The following TPST2 variants were observed in gnomAD, a reference collection of about 807,000 sequenced individuals.
TPST2 encodes the protein tyrosylprotein sulfotransferase 2, also known as protein-tyrosine sulfotransferase 2.
Under a neutral mutation model 27.8 loss-of-function variants are expected in TPST2, and 16 were observed. That is an observed-to-expected ratio of 0.58 (90% confidence interval 0.39 to 0.88). The LOEUF (loss-of-function observed/expected upper bound fraction) is 0.88. Among genes scored for constraint, TPST2 ranks in the 40% least tolerant of loss-of-function variants. TPST2 has a pLI of 0.00. For synonymous variants in TPST2, 229 were observed against 231.7 expected (o/e 0.99, Z 0.10); for missense variants, 464 against 543.1 (o/e 0.85, Z 1.45).
chr22:26,530,974 A>G (rs2147174223), intron 5 of TPST2, among the ~76,000 whole-genome samples: 1 of 152,244 alleles, frequency 6.6e-6, no homozygotes, highest in East Asian at 1.9e-4. Flanking sequence ...ACCGCATTGC[A>G]CTCCAGCCTG....
rs1204827142 is a variant in TPST2 at position 26,528,412 on chromosome 22, T to C, written c.1093-150A>G. The C allele has an allele frequency of 2.8e-6, 3 of 1,054,986 alleles. No homozygotes were observed. In the African/African-American group the frequency reaches 4.7e-5, roughly 17 times the overall value. The allele number at this position is 1,054,986 out of a possible 1,614,324, so 65.4% of individuals were successfully genotyped here. ...ATCTACTATGTGCCAGGTGCTGGGA[T>C]AGCGTGGTGAGCGGGACAGACCCAA... On this transcript the variant is annotated intron_variant, in intron 5 of 6. Transcript: ENST00000338754.
intron 1 of TPST2, among the ~76,000 whole-genome samples, chr22:26,546,273 C>A (rs1355750243): frequency 6.6e-6 from 1 of 152,100 alleles, no homozygotes; most frequent in East Asian, 1.9e-4. Context: ...GAAAAGGGAA[C>A]CAAGGTGTAA....
intron 4 of TPST2, 60 bp from the exon 5 acceptor site, chr22:26,532,805 C>A: frequency 6.5e-7 from 1 of 1,529,622 alleles, no homozygotes; most frequent in South Asian, 1.1e-5. Flanking sequence ...AAAATTTAGT[C>A]ATTCCCAACA....
chr22:26,561,764 G>C (rs1927109382), intron 1 of TPST2, among the ~76,000 whole-genome samples: 1 of 152,136 alleles, frequency 6.6e-6, no homozygotes, highest in African/African-American at 2.4e-5. Flanking sequence ...TGCTATCCCA[G>C]CAGGCACAGG....
chr22:26,579,160 G>A (rs2147239406), intron 1 of TPST2, among the ~76,000 whole-genome samples: 1 of 152,214 alleles, frequency 6.6e-6, no homozygotes, highest in African/African-American at 2.4e-5. Flanking sequence ...CCAGCCTGGA[G>A]GCAAGACTCA....
intron 1 of TPST2, among the ~76,000 whole-genome samples, chr22:26,583,840 C>CAAA (rs778357820): frequency 6.9e-5 from 10 of 144,064 alleles, no homozygotes; most frequent in Non-Finnish European, 3.1e-5. Flanking sequence ...GACTTCGTCT[C>CAAA]AAAAAAAAAA....
rs1161815374 is a variant in TPST2 at position 26,524,533 on chromosome 22, A to C, written c.*1742T>G. On this transcript the variant is annotated 3_prime_UTR_variant, in exon 7 of 7. Coordinates refer to ENST00000338754, the MANE Select transcript of TPST2 (RefSeq NM_003595.5). ...ACACACACATACACACATACACACC[A>C]TGAAGTTTTAACTTCCCCATTTTAC... 6.6e-6 allele frequency: 1 copy of C among 151,680 alleles called. No homozygotes were observed. Among genetic ancestry groups the C allele is most frequent in the Non-Finnish European group, 1.5e-5 (1 of 67,978 alleles). 9.4% of individuals were successfully genotyped at this position (151,680 alleles called of 1,614,324 possible).
At chr22:26,550,733 A>T (rs5761591) in intron 1 of TPST2, 4 of 856,994 alleles carry the variant, frequency 4.7e-6, no homozygotes, top group Non-Finnish European at 5.6e-6. Flanking sequence ...GACCACACCA[A>T]CTCCCACCCA....
At chr22:26,578,213 T>C (rs1297616005) in intron 1 of TPST2, among the ~76,000 whole-genome samples, 4 of 152,208 alleles carry the variant, frequency 2.6e-5, no homozygotes, top group African/African-American at 4.8e-5. Context: ...CATTCCATTT[T>C]ACAGCTGAGG....
rs76914211 is a variant in TPST2, at chr22:26,541,484, C to T, written c.147G>A (p.Gln49=). The T allele has an allele frequency of 2.3e-4, 363 of 1,611,700 alleles. 1 individual carries two copies. In the African/African-American group the frequency reaches 4.0e-3, roughly 18 times the overall value. Residue 49 remains glutamine, a synonymous_variant, in exon 3 of 7, where the codon CAG becomes CAA. Coordinates refer to ENST00000338754, the MANE Select transcript of TPST2 (RefSeq NM_003595.5). The surrounding 1 kb of genome is among the most constrained non-coding windows in gnomAD (Gnocchi z 5.9). The part of the protein sequence containing the change: ...RSPRGAMRPE[Q]EELVMVGTNH... ...TGGTGCCCACCATCACCAGCTCCTC[C>T]TGCTCAGGCCGCATGGCCCCCCGGG...
intron 1 of TPST2, among the ~76,000 whole-genome samples, chr22:26,562,609 T>TTTTTC (rs71855789): frequency 1.4e-5 from 2 of 145,278 alleles, no homozygotes; most frequent in African/African-American, 5.0e-5. Flanking sequence ...CTACACTTGC[T>TTTTTC]TTTTCTTTTC....
intron 1 of TPST2, among the ~76,000 whole-genome samples, chr22:26,568,465 C>T (rs904466713): frequency 6.6e-6 from 1 of 152,104 alleles, no homozygotes; most frequent in African/African-American, 2.4e-5. Context: ...AGATACAGGT[C>T]GTAAAGACCC....
chr22:26,576,849 T>C (rs542324241), intron 1 of TPST2, among the ~76,000 whole-genome samples: 6 of 150,576 alleles, frequency 4.0e-5, no homozygotes, highest in Admixed American at 2.0e-4. Context: ...GTAATCCCAG[T>C]ACTTTGGGAG....
intron 2 of TPST2, among the ~76,000 whole-genome samples, chr22:26,542,328 C>T (rs1925909900): frequency 6.6e-6 from 1 of 151,824 alleles, no homozygotes; most frequent in South Asian, 2.1e-4. Flanking sequence ...TCAAGCAATC[C>T]TCTGCCTCAG....
At position 26,588,397 on chromosome 22, in the gene TPST2, T is replaced by C. The variant is rs115084854; in HGVS notation, c.-161+1656A>G. ...TGCCAAGGGATAGGGGAAGAAAGGA[T>C]TGGGGAGTGACCATGAAACAGCCTT... On this transcript the variant is annotated intron_variant, in intron 1 of 6. Coordinates refer to ENST00000338754, the MANE Select transcript of TPST2 (RefSeq NM_003595.5). Among the ~76,000 whole-genome samples the C allele has an allele frequency of 2.3e-3, 347 of 152,132 alleles. 2 individuals are homozygous for C. The highest frequency in any genetic ancestry group is 7.6e-3 in the African/African-American group (316 of 41,478).
chr22:26,538,275 G>C (rs888995367), intron 3 of TPST2, among the ~76,000 whole-genome samples: 5 of 152,318 alleles, frequency 3.3e-5, no homozygotes, highest in Non-Finnish European at 7.3e-5. Context: ...AGATTCAGAG[G>C]CTGCAAACCT....
At chr22:26,527,468 G>C (rs1924903523) in intron 6 of TPST2, among the ~76,000 whole-genome samples, 1 of 152,176 alleles carries the variant, frequency 6.6e-6, no homozygotes, top group Non-Finnish European at 1.5e-5. Flanking sequence ...TCCAGATGAA[G>C]AAAACAGGGG....
intron 4 of TPST2, among the ~76,000 whole-genome samples, chr22:26,534,000 T>C (rs963315078): frequency 3.3e-5 from 5 of 152,206 alleles, no homozygotes; most frequent in Admixed American, 6.5e-5. Flanking sequence ...CATTTCAATA[T>C]GTAATTTATA....
At chr22:26,549,347 G>A (rs997628839) in intron 1 of TPST2, among the ~76,000 whole-genome samples, 1 of 152,128 alleles carries the variant, frequency 6.6e-6, no homozygotes, top group African/African-American at 2.4e-5. Flanking sequence ...CCCTAGCGTG[G>A]TGTCATGCGG....
Sources: gnomAD v4.1 joint callset for allele counts (sites outside exome capture counted in the v4.1 genomes callset) on GRCh38, gnomAD v4.1.1 for gene constraint, Gnocchi (gnomAD v3.1) non-coding constraint, MANE v1.5 for transcripts, NCBI Gene and HGNC (gene_info 2026-07-23, HGNC 2026-07-21) for gene names.